Variants in LIN54 observed in about 807,000 individuals in gnomAD.
LIN54 encodes protein lin-54 homolog.
Under a neutral mutation model 78.7 loss-of-function variants are expected in LIN54, and 9 were observed. The observed-to-expected ratio is 0.11, with a 90% CI of 0.07 to 0.20. The LOEUF (loss-of-function observed/expected upper bound fraction) is 0.20. LIN54 is among the 10% of genes least tolerant of loss of function. The probability of loss-of-function intolerance (pLI) is 1.00; values close to 1 mark genes in which losing one functional copy is unlikely to be tolerated. For missense variants in LIN54, 573 were observed against 889.9 expected (o/e 0.64, Z 4.53); for synonymous variants, 269 against 318.4 (o/e 0.84, Z 1.65).
chr4:82,943,169 G>T (rs899422304), intron 5 of LIN54, among the ~76,000 whole-genome samples: 5 of 152,014 alleles, frequency 3.3e-5, no homozygotes, highest in Non-Finnish European at 7.4e-5. Context: ...TTTAGTCTTT[G>T]GCAGGAACTC....
chr4:82,964,132 C>A (rs2126064495), intron 4 of LIN54, among the ~76,000 whole-genome samples: 1 of 152,102 alleles, frequency 6.6e-6, no homozygotes, highest in Middle Eastern at 3.4e-3. Flanking sequence ...CTCACTGCAA[C>A]CTCCACCTCC....
chr4:82,968,357 G>A (rs1300460538), intron 4 of LIN54, among the ~76,000 whole-genome samples: 1 of 151,864 alleles, frequency 6.6e-6, no homozygotes. Context: ...AGTCAAGGAT[G>A]GGAAAAAAAT....
At position 82,984,584 on chromosome 4, in the gene LIN54, A is replaced by G. The variant is rs1156882079; in HGVS notation, c.261T>C (p.Ser87=). The part of the protein sequence containing the change: ...AVNTTITKAD[S]NTTVKPAFPS... ...GAAAAGCTGGTTTCACTGTGGTATT[A>G]GAATCTGCTTTAGTAATTGTGGTAT... The change falls in exon 2 of 13, where the codon TCT becomes TCC. Residue 87 remains serine, a synonymous_variant. Transcript: ENST00000340417. 5 of 1,614,090 alleles carry G rather than the reference A, an allele frequency of 3.1e-6. No homozygotes were observed. The highest frequency in any genetic ancestry group is 8.5e-7 in the Non-Finnish European group (1 of 1,180,046).
At chr4:82,962,605 A>G (rs140207963) in intron 4 of LIN54, among the ~76,000 whole-genome samples, 1 of 152,196 alleles carries the variant, frequency 6.6e-6, no homozygotes, top group East Asian at 1.9e-4. Flanking sequence ...GAACTCTAAG[A>G]GTCAAATGGT....
chr4:82,934,436 A>AC (rs1437449165), intron 11 of LIN54, among the ~76,000 whole-genome samples: 3 of 152,156 alleles, frequency 2.0e-5, no homozygotes, highest in Non-Finnish European at 4.4e-5. Flanking sequence ...AACAACAACA[A>AC]AAAACTTGTC....
chr4:82,932,098 T>A (rs1045324920), intron 11 of LIN54, among the ~76,000 whole-genome samples: 1 of 147,234 alleles, frequency 6.8e-6, no homozygotes, highest in Non-Finnish European at 1.5e-5. Flanking sequence ...TTTAATTTTT[T>A]TTTTTTTTTT....
intron 1 of LIN54, among the ~76,000 whole-genome samples, chr4:82,992,466 T>C (rs1040179939): frequency 2.0e-5 from 3 of 152,112 alleles, no homozygotes; most frequent in African/African-American, 7.2e-5. Flanking sequence ...CTTGTGGCCA[T>C]GGGTTTGAGA....
intron 3 of LIN54, among the ~76,000 whole-genome samples, chr4:82,970,898 A>G (rs997572003): frequency 8.5e-5 from 13 of 152,180 alleles, no homozygotes; most frequent in Admixed American, 7.2e-4. Flanking sequence ...ATCCACACTT[A>G]TAAAACAGAT....
At chr4:82,991,914 G>A (rs1383752735) in intron 1 of LIN54, among the ~76,000 whole-genome samples, 2 of 151,966 alleles carry the variant, frequency 1.3e-5, no homozygotes, top group Non-Finnish European at 1.5e-5. Flanking sequence ...GTTAATGAGG[G>A]ATATTGATCT....
chr4:82,990,372 T>A (rs772332634), intron 1 of LIN54, among the ~76,000 whole-genome samples: 5 of 152,180 alleles, frequency 3.3e-5, no homozygotes, highest in Non-Finnish European at 5.9e-5. Flanking sequence ...TGTGTATCAG[T>A]TCCCCCATAT....
intron 1 of LIN54, among the ~76,000 whole-genome samples, chr4:82,987,423 AAAC>A (rs1236826616): frequency 6.6e-6 from 1 of 152,166 alleles, no homozygotes; most frequent in African/African-American, 2.4e-5. Context: ...AAAAAACAAA[AAAC>A]AAACGGGATA....
chr4:82,983,007 GTTTT>G (rs66577460), intron 2 of LIN54, among the ~76,000 whole-genome samples: 1 of 116,968 alleles, frequency 8.5e-6, no homozygotes. Context: ...TGCATTTCTT[GTTTT>G]TTTTTTTTTT....
chr4:82,959,358 G>A (rs899892279), intron 4 of LIN54, among the ~76,000 whole-genome samples: 2 of 152,038 alleles, frequency 1.3e-5, no homozygotes, highest in African/African-American at 4.8e-5. Flanking sequence ...AGCTGGGCAT[G>A]GTGGTGCATA....
chr4:83,008,376 C>T (rs546748528), intron 1 of LIN54, among the ~76,000 whole-genome samples: 1 of 152,278 alleles, frequency 6.6e-6, no homozygotes, highest in East Asian at 1.9e-4. Flanking sequence ...ATCGGCCGGG[C>T]GCAGTGGCTC....
intron 3 of LIN54, among the ~76,000 whole-genome samples, chr4:82,978,630 T>G (rs1471374107): frequency 6.6e-6 from 1 of 152,182 alleles, no homozygotes; most frequent in Non-Finnish European, 1.5e-5. Context: ...GTATAAATAT[T>G]AGCTACTATT....
At chr4:82,944,022 C>T (rs1005211565) in intron 5 of LIN54, among the ~76,000 whole-genome samples, 13 of 151,928 alleles carry the variant, frequency 8.6e-5, no homozygotes, top group Admixed American at 7.9e-4. Flanking sequence ...GTGTGCACCA[C>T]CACGCCCAAC....
intron 1 of LIN54, among the ~76,000 whole-genome samples, chr4:82,985,847 C>T (rs906363934): frequency 6.6e-6 from 1 of 151,584 alleles, no homozygotes; most frequent in Non-Finnish European, 1.5e-5. Flanking sequence ...GGCCATCCTC[C>T]GCCATTTAAA....
intron 4 of LIN54, among the ~76,000 whole-genome samples, chr4:82,968,912 G>C (rs1725430860): frequency 6.6e-6 from 1 of 152,138 alleles, no homozygotes; most frequent in East Asian, 1.9e-4. Context: ...CCTGATACCA[G>C]GTCAAGTCTG....
chr4:82,987,992 C>T (rs1259977217), intron 1 of LIN54, among the ~76,000 whole-genome samples: 3 of 152,212 alleles, frequency 2.0e-5, no homozygotes, highest in Non-Finnish European at 4.4e-5. Flanking sequence ...TTCACATTGT[C>T]ATGAACAATG....
Sources: gnomAD v4.1 joint callset for allele counts (sites outside exome capture counted in the v4.1 genomes callset) on GRCh38, gnomAD v4.1.1 for gene constraint, MANE v1.5 for transcripts, NCBI Gene and HGNC (gene_info 2026-07-23, HGNC 2026-07-21) for gene names.